The following CEP128 variants were observed in gnomAD, a reference collection of about 807,000 sequenced individuals.
CEP128 encodes centrosomal protein 128, also known as centrosomal protein 128kDa.
In CEP128, 132 loss-of-function variants were observed where a neutral mutation model predicts 156.7. That is an observed-to-expected ratio of 0.84 (90% CI 0.73 to 0.97). CEP128 has a LOEUF of 0.97. Among genes scored for constraint, CEP128 ranks in the 50% least tolerant of loss-of-function variants. The probability of loss-of-function intolerance (pLI) is 0.00; values close to 1 mark genes in which losing one functional copy is unlikely to be tolerated. For missense variants in CEP128, 1,252 were observed against 1,281.9 expected, an observed-to-expected ratio of 0.98 and a Z score of 0.36; for synonymous variants, 469 against 448.9, an observed-to-expected ratio of 1.04 and a Z score of -0.57.
chr14:80,537,227 C>T (rs1420689071), intron 21 of CEP128, among the ~76,000 whole-genome samples: 2 of 152,074 alleles, frequency 1.3e-5, no homozygotes, highest in Non-Finnish European at 2.9e-5. Flanking sequence ...TTTCAAATTA[C>T]TGCTTTCTTA....
chr14:80,502,306 G>A (rs1269351913), intron 24 of CEP128, among the ~76,000 whole-genome samples: 1 of 152,142 alleles, frequency 6.6e-6, no homozygotes, highest in African/African-American at 2.4e-5. Context: ...GGAAGGTATA[G>A]GATCTGGGCA....
intron 21 of CEP128, among the ~76,000 whole-genome samples, chr14:80,552,877 A>G (rs1449365445): frequency 6.6e-6 from 1 of 151,844 alleles, no homozygotes; most frequent in African/African-American, 2.4e-5. Flanking sequence ...TTGTATTTTT[A>G]TTTGGTTTAC....
chr14:80,628,125 C>A (rs1174601352), intron 19 of CEP128, among the ~76,000 whole-genome samples: 1 of 152,182 alleles, frequency 6.6e-6, no homozygotes, highest in Non-Finnish European at 1.5e-5. Context: ...TTTGACAGAT[C>A]AAACTAACCT....
chr14:80,928,813 A>G (rs1157283863), intron 2 of CEP128, among the ~76,000 whole-genome samples: 2 of 152,186 alleles, frequency 1.3e-5, no homozygotes, highest in African/African-American at 4.8e-5. Context: ...TCTTCTGGAC[A>G]TTGGCCTAGG....
intron 18 of CEP128, among the ~76,000 whole-genome samples, chr14:80,749,940 TA>T (rs1333307727): frequency 1.3e-5 from 2 of 152,096 alleles, no homozygotes; most frequent in Non-Finnish European, 2.9e-5. Context: ...GGATAAAATT[TA>T]AAAGAGATAA....
intron 12 of CEP128, among the ~76,000 whole-genome samples, chr14:80,834,131 C>A (rs1595473586): frequency 6.6e-6 from 1 of 152,020 alleles, no homozygotes; most frequent in East Asian, 1.9e-4. Context: ...TTAATCAATT[C>A]CCAGGCAGAC....
At chr14:80,658,261 G>A (rs1323045109) in intron 19 of CEP128, among the ~76,000 whole-genome samples, 1 of 152,212 alleles carries the variant, frequency 6.6e-6, no homozygotes, top group Non-Finnish European at 1.5e-5. Context: ...ATGATAGGGA[G>A]AGGAAATTGG....
intron 19 of CEP128, among the ~76,000 whole-genome samples, chr14:80,605,001 A>G (rs1053101607): frequency 6.6e-6 from 1 of 152,088 alleles, no homozygotes; most frequent in African/African-American, 2.4e-5. Flanking sequence ...AAGCCCATTC[A>G]AAGTATGCAA....
At chr14:80,653,477 T>C (rs1274083911) in intron 19 of CEP128, among the ~76,000 whole-genome samples, 6 of 152,190 alleles carry the variant, frequency 3.9e-5, no homozygotes, top group South Asian at 4.1e-4. Flanking sequence ...CTAGCTAAGA[T>C]AAGTGATAAG....
At chr14:80,855,870 C>T (rs1402358909) in intron 9 of CEP128, among the ~76,000 whole-genome samples, 2 of 152,130 alleles carry the variant, frequency 1.3e-5, no homozygotes, top group African/African-American at 4.8e-5. Flanking sequence ...AGAAAAACAT[C>T]CTAGGTTTCA....
intron 8 of CEP128, chr14:80,894,800 C>T: frequency 6.7e-6 from 2 of 297,204 alleles, no homozygotes; most frequent in Non-Finnish European, 1.3e-5. Flanking sequence ...AAAAGATCAA[C>T]TTAGTTGATC....
intron 19 of CEP128, among the ~76,000 whole-genome samples, chr14:80,650,623 A>T (rs1236861809): frequency 6.6e-6 from 1 of 152,194 alleles, no homozygotes; most frequent in East Asian, 1.9e-4. Context: ...AGTTTTTAGC[A>T]TGAAGCTGTG....
At chr14:80,498,769 A>G (rs899086106) in intron 24 of CEP128, among the ~76,000 whole-genome samples, 1 of 152,148 alleles carries the variant, frequency 6.6e-6, no homozygotes, top group Non-Finnish European at 1.5e-5. Context: ...TTTCTCCATG[A>G]CATCACCTTG....
At chr14:80,621,623 A>G (rs1457243611) in intron 19 of CEP128, among the ~76,000 whole-genome samples, 1 of 152,158 alleles carries the variant, frequency 6.6e-6, no homozygotes, top group East Asian at 1.9e-4. Context: ...AATTAGAAAG[A>G]CTAAAAAGGG....
At chr14:80,928,020 CAG>C (rs1350633410) in intron 2 of CEP128, among the ~76,000 whole-genome samples, 2 of 152,138 alleles carry the variant, frequency 1.3e-5, no homozygotes, top group Non-Finnish European at 2.9e-5. Flanking sequence ...GAAACTCACA[CAG>C]AGTCTTTGCC....
At chr14:80,566,677 T>A (rs1476200451) in intron 20 of CEP128, among the ~76,000 whole-genome samples, 2 of 152,234 alleles carry the variant, frequency 1.3e-5, no homozygotes, top group Non-Finnish European at 2.9e-5. Flanking sequence ...ATACATCAAA[T>A]ACTCCAGGAT....
At chr14:80,588,019 C>G (rs1283412728) in intron 19 of CEP128, among the ~76,000 whole-genome samples, 1 of 152,096 alleles carries the variant, frequency 6.6e-6, no homozygotes, top group Admixed American at 6.6e-5. Flanking sequence ...TTGACTTACT[C>G]TTTGATCACC....
Position 80,914,366 on chromosome 14 carries a change from G to A in CEP128, c.190C>T (p.Arg64Ter), listed in dbSNP as rs757449096. 11 of 1,613,722 alleles carry A rather than the reference G, an allele frequency of 6.8e-6. No homozygotes were observed. Among genetic ancestry groups the A allele is most frequent in the African/African-American group, 5.3e-5 (4 of 74,884 alleles). The change falls in exon 4 of 25, where the codon CGA becomes TGA. Residue 64 changes from arginine to a stop codon, truncating the protein, a stop_gained. Coordinates refer to ENST00000555265, the MANE Select transcript of CEP128 (RefSeq NM_152446.5). LOFTEE classifies it high-confidence loss of function. Reference sequence around the variant, plus strand: ...TGTCCATTACTGTATTCTCGGTATCGTCCAAGCATCTGGTCCACTTGTCGC... The same window carrying A: ...TGTCCATTACTGTATTCTCGGTATCATCCAAGCATCTGGTCCACTTGTCGC... ...NLRQVDQMLG[R>*]YREYSNGQAG...
At chr14:80,639,853 G>C (rs2140780872) in intron 19 of CEP128, among the ~76,000 whole-genome samples, 1 of 152,252 alleles carries the variant, frequency 6.6e-6, no homozygotes, top group African/African-American at 2.4e-5. Flanking sequence ...ATTATTTCAT[G>C]CTGTCAAATT....
Sources: allele counts gnomAD v4.1 joint callset (sites outside exome capture counted in the v4.1 genomes callset), GRCh38; gene constraint gnomAD v4.1.1; transcripts MANE v1.5; gene names NCBI Gene and HGNC (gene_info 2026-07-23, HGNC 2026-07-21).